The following SLC36A1 variants were observed in gnomAD, a reference collection of about 807,000 sequenced individuals.
The protein encoded by SLC36A1 is proton-coupled amino acid transporter 1.
In SLC36A1, 30 loss-of-function variants were observed where a neutral mutation model predicts 47.5. The observed-to-expected ratio is 0.63, with a 90% confidence interval of 0.47 to 0.86. The LOEUF (loss-of-function observed/expected upper bound fraction) is 0.86. SLC36A1 is among the 40% of genes least tolerant of loss of function. The pLI, the probability that SLC36A1 is intolerant of heterozygous loss-of-function variation, is 0.00. For missense variants in SLC36A1, 517 were observed against 606.0 expected, an observed-to-expected ratio of 0.85 and a Z score of 1.54; for synonymous variants, 255 against 249.7, an observed-to-expected ratio of 1.02 and a Z score of -0.20.
At chr5:151,431,819 G>A in the SLC36A1 span, among the ~76,000 whole-genome samples, 4 of 152,136 alleles carry the variant, frequency 2.6e-5, no homozygotes, top group East Asian at 5.8e-4. Flanking sequence ...TATGAGCAGC[G>A]TGAAAATGAA....
chr5:151,454,710 CTT>C (rs34814099), intron 1 of SLC36A1, among the ~76,000 whole-genome samples: 4 of 107,914 alleles, frequency 3.7e-5, no homozygotes, highest in East Asian at 3.0e-4. Flanking sequence ...CATGTGACAG[CTT>C]TTTTTTTTTT....
intron 2 of SLC36A1, among the ~76,000 whole-genome samples, chr5:151,463,026 C>T (rs565563522): frequency 8.5e-5 from 13 of 152,272 alleles, no homozygotes; most frequent in African/African-American, 3.1e-4. Flanking sequence ...CAGGCACATG[C>T]CGCTATGCCT....
intron 1 of SLC36A1, among the ~76,000 whole-genome samples, chr5:151,448,513 A>C (rs1433532751): frequency 2.0e-5 from 3 of 152,184 alleles, no homozygotes; most frequent in Non-Finnish European, 4.4e-5. Context: ...TTTGGTTTCT[A>C]ACCTTCCTGC....
chr5:151,383,806 CAG>C, the SLC36A1 span, among the ~76,000 whole-genome samples: 1 of 152,030 alleles, frequency 6.6e-6, no homozygotes. Flanking sequence ...CTCCTGACCT[CAG>C]GTGATCTGCC....
chr5:151,382,518 A>C, the SLC36A1 span: 1 of 491,418 alleles, frequency 2.0e-6, no homozygotes, highest in Non-Finnish European at 3.6e-6. Flanking sequence ...CATCAGCCAA[A>C]TGAGTGCAAA....
At chr5:151,456,511 A>G (rs1417159108) in intron 1 of SLC36A1, among the ~76,000 whole-genome samples, 1 of 152,260 alleles carries the variant, frequency 6.6e-6, no homozygotes, top group Non-Finnish European at 1.5e-5. Flanking sequence ...ATACCTGTAT[A>G]GCAAGAGGTT....
chr5:151,347,663 G>T, the SLC36A1 span: 1 of 599,150 alleles, frequency 1.7e-6, no homozygotes, highest in African/African-American at 1.9e-5. Context: ...GAGGACTCCT[G>T]GGAAGAGGAG....
chr5:151,544,890 G>A, the SLC36A1 span: 3 of 1,614,028 alleles, frequency 1.9e-6, no homozygotes, highest in African/African-American at 2.7e-5. Flanking sequence ...TGCCATCTTG[G>A]ATGATTGTGT....
chr5:151,467,774 C>T lies in SLC36A1; in HGVS notation c.572C>T (p.Thr191Ile), dbSNP rs907426542. ...AATGAGACGGTGATTCTGACGCCTA[C>T]CATGGACTCGCGACTCTACATGCTC... ...HNNETVILTPTMDSRLYMLSF... is the reference protein window; with the variant it reads ...HNNETVILTPIMDSRLYMLSF... Residue 191 changes from threonine (T) to isoleucine (I), a missense_variant, in exon 7 of 11, where the codon ACC becomes ATC. By Grantham distance (89) the Thr-to-Ile change is moderately conservative. Coordinates refer to ENST00000243389, the MANE Select transcript of SLC36A1 (RefSeq NM_078483.4). The T allele has an allele frequency of 6.2e-7, 1 of 1,613,938 alleles. No individual in the cohort carries two copies. The highest frequency in any genetic ancestry group is 8.5e-7 in the Non-Finnish European group (1 of 1,180,012).
chr5:151,451,915 G>A (rs1753717643), intron 1 of SLC36A1, among the ~76,000 whole-genome samples: 1 of 152,116 alleles, frequency 6.6e-6, no homozygotes, highest in Non-Finnish European at 1.5e-5. Context: ...CTGGGATGCT[G>A]GTTTGCTGGA....
At chr5:151,366,625 A>G in the SLC36A1 span, 1 of 164,326 alleles carries the variant, frequency 6.1e-6, no homozygotes, top group East Asian at 1.9e-4. Context: ...GGTAAGGACC[A>G]TGCCCAGATG....
At chr5:151,543,750 T>G in the SLC36A1 span, 1 of 1,614,066 alleles carries the variant, frequency 6.2e-7, no homozygotes, top group Admixed American at 1.7e-5. Context: ...CTCGGAAGAC[T>G]CCATCAGAAG....
At chr5:151,477,033 C>T (rs1181040386) in intron 9 of SLC36A1, 3 of 543,604 alleles carry the variant, frequency 5.5e-6, no homozygotes, top group Non-Finnish European at 1.0e-5. Flanking sequence ...AGTATCTAGT[C>T]CATTCATGGT....
chr5:151,458,297 T>C lies in SLC36A1; in HGVS notation c.-5-491T>C. On this transcript the variant is annotated intron_variant, in intron 1 of 10. Transcript: ENST00000243389. ...ATGTGTATACGTGTATATATATACA[T>C]ACACGTGTATATACGTATATATATA... 2.6e-5 allele frequency among the ~76,000 whole-genome samples: 3 copies of C among 114,448 alleles called. No homozygotes were observed. In the East Asian group the frequency reaches 8.4e-4, roughly 32 times the overall value. The allele number at this position is 114,448 out of a possible 152,430, so 75.1% of individuals were successfully genotyped here. A position where few individuals can be genotyped will look rare whatever the true frequency, so the allele number is the denominator to read the frequency against.
chr5:151,521,491 G>T, the SLC36A1 span: 5 of 1,614,220 alleles, frequency 3.1e-6, no homozygotes, highest in South Asian at 5.5e-5. Context: ...AGTGATGATG[G>T]ATGCTAGCTC....
the SLC36A1 span, chr5:151,512,312 C>T: frequency 2.3e-5 from 37 of 1,614,080 alleles, no homozygotes; most frequent in East Asian, 4.9e-4. The surrounding 1 kb of genome is among the most constrained non-coding windows in gnomAD (Gnocchi z 4.1). Context: ...AGAGCCTCTT[C>T]GTTGACCACG....
At chr5:151,358,345 C>T in the SLC36A1 span, among the ~76,000 whole-genome samples, 2 of 152,028 alleles carry the variant, frequency 1.3e-5, no homozygotes, top group East Asian at 1.9e-4. Flanking sequence ...GATCCTCACT[C>T]ACTGTAGCCT....
chr5:151,480,174 C>T, intron 10 of SLC36A1: 1 of 937,626 alleles, frequency 1.1e-6, no homozygotes, highest in Non-Finnish European at 1.5e-6. Flanking sequence ...CTAGAGAACC[C>T]CTGAGCAAAT....
chr5:151,534,886 G>T, the SLC36A1 span, among the ~76,000 whole-genome samples: 1 of 149,286 alleles, frequency 6.7e-6, no homozygotes, highest in East Asian at 2.0e-4. Flanking sequence ...CTAAAAATAG[G>T]TATATTCTTA....
Sources: gnomAD v4.1 joint callset for allele counts (sites outside exome capture counted in the v4.1 genomes callset) on GRCh38, gnomAD v4.1.1 for gene constraint, Gnocchi (gnomAD v3.1) non-coding constraint, MANE v1.5 for transcripts, NCBI Gene and HGNC (gene_info 2026-07-23, HGNC 2026-07-21) for gene names.